Variants in COL9A3 observed in about 807,000 individuals in gnomAD.
COL9A3 encodes the protein collagen type IX alpha 3 chain.
Under a neutral mutation model 110.2 loss-of-function variants are expected in COL9A3, and 82 were observed. That is an observed-to-expected ratio of 0.74 (90% CI 0.62 to 0.89). COL9A3 has a LOEUF of 0.89. COL9A3 is among the 40% of genes least tolerant of loss of function. The pLI, the probability that COL9A3 is intolerant of heterozygous loss-of-function variation, is 0.00. For missense variants in COL9A3, 1,066 were observed against 981.3 expected (o/e 1.09, Z -1.15); for synonymous variants, 494 against 403.8 (o/e 1.22, Z -2.68).
chr20:62,818,751 G>T (rs1327792721), intron 3 of COL9A3, among the ~76,000 whole-genome samples, 198 bp downstream of exon 3: 2 of 152,234 alleles, frequency 1.3e-5, no homozygotes, highest in African/African-American at 2.4e-5. Flanking sequence ...TGCATGTTCA[G>T]GGCAGGGCCT....
intron 6 of COL9A3, 30 bp from the exon 7 acceptor site, chr20:62,821,477 C>G: frequency 6.2e-7 from 1 of 1,612,860 alleles, no homozygotes; most frequent in Non-Finnish European, 8.5e-7. Context: ...TTGTGCCTGG[C>G]AGGCTCTGAC....
At chr20:62,826,360 G>A in intron 14 of COL9A3, 103 bp downstream of exon 14, 2 of 1,120,668 alleles carry the variant, frequency 1.8e-6, no homozygotes, top group Non-Finnish European at 2.6e-6. Flanking sequence ...CTCTGAAGCA[G>A]CCGGCACCCT....
chr20:62,826,572 G>A (rs2063554978), intron 14 of COL9A3, among the ~76,000 whole-genome samples, 195 bp from the exon 15 acceptor site: 2 of 152,210 alleles, frequency 1.3e-5, no homozygotes, highest in African/African-American at 4.8e-5. Flanking sequence ...AGGCTGCTGT[G>A]AGGGCTGTTG....
chr20:62,816,407 T>C (rs6122316), upstream of COL9A3: 93,757 of 152,216 alleles, frequency 0.62, 30,154 homozygotes, highest in African/African-American at 0.81. Flanking sequence ...CGATCTCTCC[T>C]GGGAGTCTGG....
chr20:62,826,647 A>G (rs1299943550), intron 14 of COL9A3, 120 bp from the exon 15 acceptor site: 6 of 1,063,788 alleles, frequency 5.6e-6, no homozygotes, highest in Non-Finnish European at 8.5e-6. Context: ...TCTTGGGGGA[A>G]CTTGCTGGGG....
At chr20:62,832,989 C>A (rs767187465) in intron 25 of COL9A3, 31 bp from the exon 26 acceptor site, 12 of 1,609,292 alleles carry the variant, frequency 7.5e-6, no homozygotes, top group Non-Finnish European at 1.0e-5. Flanking sequence ...GCATGAACAG[C>A]TCTTTTAACT....
chr20:62,838,732 A>G lies in COL9A3; in HGVS notation c.1835A>G (p.Asp612Gly). ...AAAGGCGCGGCAGGAGCAGGGCTGG[A>G]CGGGCCTGAAGGAGACCAGGGGCCC... ...GDKGAAGAGL[D>G]GPEGDQGPQG... The change falls in exon 31 of 32, where the codon GAC (aspartate) becomes GGC (glycine). Residue 612 changes from aspartate to glycine, a missense_variant. Asp to Gly is a moderately conservative substitution (Grantham distance 94). Coordinates refer to ENST00000649368, the MANE Select transcript of COL9A3 (RefSeq NM_001853.4). 9 of 1,552,282 alleles carry G rather than the reference A, an allele frequency of 5.8e-6. No homozygotes were observed. The highest frequency in any genetic ancestry group is 5.2e-6 in the Non-Finnish European group (6 of 1,147,278).
intron 9 of COL9A3, 89 bp downstream of exon 9, chr20:62,822,253 T>C (rs557824069): frequency 2.4e-6 from 2 of 818,126 alleles, no homozygotes; most frequent in African/African-American, 3.3e-5. Flanking sequence ...CCAGGCTCCA[T>C]GCCCCTCCGA....
intron 16 of COL9A3, 68 bp downstream of exon 16, chr20:62,827,362 GC>G (rs777370722): frequency 2.0e-6 from 3 of 1,521,046 alleles, no homozygotes; most frequent in East Asian, 2.3e-5. Context: ...CCTGACTCGT[GC>G]TGGGGAGGGG....
chr20:62,828,033 G>A, intron 17 of COL9A3, 57 bp downstream of exon 17: 1 of 1,575,814 alleles, frequency 6.3e-7, no homozygotes, highest in Non-Finnish European at 8.7e-7. Flanking sequence ...GGTATGTACA[G>A]GTGGAGATGG....
chr20:62,825,823 C>T lies in COL9A3; in HGVS notation c.637C>T (p.Pro213Ser). The T allele has an allele frequency of 1.3e-6, 2 of 1,554,022 alleles. No individual in the cohort carries two copies. The highest frequency in any genetic ancestry group is 1.7e-6 in the Non-Finnish European group (2 of 1,148,598). Residue 213 changes from proline (P) to serine (S), a missense_variant, in exon 13 of 32, where the codon CCT becomes TCT. Coordinates refer to ENST00000649368, the MANE Select transcript of COL9A3 (RefSeq NM_001853.4). ...CCTATCCCCTCTGTTTCAGGGTGAC[C>T]CTGGCCCCCCTGGGCCCGCCGGCCT... ...EVGKDGEKGD[P>S]GPPGPAGLPG...
rs57754593 is a variant in COL9A3, at chr20:62,836,178, C to G, written c.1402-9C>G. On this transcript the variant is annotated splice_polypyrimidine_tract_variant and intron_variant, in intron 27 of 31. Transcript: ENST00000649368. Reference sequence around the variant, plus strand: ...CGCCCCTGACCCACCTTCCTCTGTTCCTCTGCAGTCTGGCAGTCGAGGGGA... The same window carrying G: ...CGCCCCTGACCCACCTTCCTCTGTTGCTCTGCAGTCTGGCAGTCGAGGGGA... The G allele has an allele frequency of 6.2e-7, 1 of 1,612,822 alleles. No homozygotes were observed. Among genetic ancestry groups the G allele is most frequent in the Non-Finnish European group, 8.5e-7 (1 of 1,179,860 alleles).
At chr20:62,817,835 TGTG>T in intron 2 of COL9A3, 200 bp downstream of exon 2, 1 of 678,702 alleles carries the variant, frequency 1.5e-6, no homozygotes, top group Non-Finnish European at 2.8e-6. Flanking sequence ...GAGGGTGTCA[TGTG>T]GTGGTCCTCC....
intron 3 of COL9A3, among the ~76,000 whole-genome samples, chr20:62,818,854 C>T (rs1308219843): frequency 6.6e-6 from 1 of 152,210 alleles, no homozygotes; most frequent in Non-Finnish European, 1.5e-5. Flanking sequence ...TCACCTGGAG[C>T]CCTCCCACCT....
chr20:62,828,930 C>A lies in COL9A3; in HGVS notation c.962C>A (p.Ala321Asp). The change falls in exon 19 of 32, where the codon GCT (alanine) becomes GAT (aspartate). Residue 321 changes from alanine to aspartate, a missense_variant. Coordinates refer to ENST00000649368, the MANE Select transcript of COL9A3 (RefSeq NM_001853.4). ...VPGLDGQKGE[A>D]GRNGAPGEKG... ...CAATCTCTGTCCTCACAGGGAGAGG[C>A]TGGTCGCAACGGTGCTCCGGGAGAG... The A allele has an allele frequency of 6.2e-7, 1 of 1,612,036 alleles. No individual in the cohort carries two copies. Among genetic ancestry groups the A allele is most frequent in the South Asian group, 1.1e-5 (1 of 91,050 alleles).
At position 62,826,820 on chromosome 20, in the gene COL9A3, G is replaced by A. The variant is rs150059093; in HGVS notation, c.792G>A (p.Ala264=). The change falls in exon 15 of 32, where the codon GCG becomes GCA. Residue 264 remains alanine (A), a splice_region_variant and synonymous_variant. Coordinates refer to ENST00000649368, the MANE Select transcript of COL9A3 (RefSeq NM_001853.4). ...GGATCCCAGGAGCGCCTGGGAAAGCGGTACGTGTGTCAGTGGACGGTGGGC... is the reference window on the plus strand; with the variant it reads ...GGATCCCAGGAGCGCCTGGGAAAGCAGTACGTGTGTCAGTGGACGGTGGGC... ...PPGIPGAPGK[A]GDRGERGPEG... 83 of 1,612,748 alleles carry A rather than the reference G, an allele frequency of 5.1e-5. No homozygotes were observed. The highest frequency in any genetic ancestry group is 2.1e-4 in the South Asian group (19 of 91,074).
chr20:62,829,882 G>A, intron 22 of COL9A3, 63 bp downstream of exon 22: 1 of 1,524,768 alleles, frequency 6.6e-7, no homozygotes, highest in Admixed American at 2.0e-5. Context: ...CATGGCCCCA[G>A]TTTCTGAGCA....
chr20:62,840,488 C>T (rs2063668464), intron 31 of COL9A3, 54 bp from the exon 32 acceptor site: 1 of 1,511,428 alleles, frequency 6.6e-7, no homozygotes, highest in African/African-American at 1.4e-5. Flanking sequence ...ATGTCAAGTC[C>T]CCCTGCTTTC....
chr20:62,836,876 C>T, intron 29 of COL9A3: 1 of 742,604 alleles, frequency 1.3e-6, no homozygotes, highest in Non-Finnish European at 2.3e-6. Context: ...CCTTCACCTT[C>T]CCACTCAGGC....
Sources: allele counts gnomAD v4.1 joint callset (sites outside exome capture counted in the v4.1 genomes callset), GRCh38; gene constraint gnomAD v4.1.1; transcripts MANE v1.5; gene names NCBI Gene and HGNC (gene_info 2026-07-23, HGNC 2026-07-21).